The following FREM1 variants were observed in gnomAD, a reference collection of about 807,000 sequenced individuals.
FREM1 encodes the protein FRAS1 related extracellular matrix 1, also known as FRAS1-related extracellular matrix protein 1.
FREM1 carries 220 observed loss-of-function variants against 210.1 expected under a neutral mutation model. The ratio of observed to expected loss-of-function variants is 1.05; its 90% confidence interval spans 0.94 to 1.17. The LOEUF is 1.17. FREM1 is among the 50% of genes most tolerant of loss of function. The pLI, the probability that FREM1 is intolerant of heterozygous loss-of-function variation, is 0.00. For missense variants in FREM1, 3,454 were observed against 2,675.5 expected (o/e 1.29, Z -6.42); for synonymous variants, 1,189 against 980.2 (o/e 1.21, Z -3.98).
chr9:14,738,342 A>T (rs1432643937), intron 36 of FREM1, among the ~76,000 whole-genome samples: 1 of 150,374 alleles, frequency 6.7e-6, no homozygotes, highest in Non-Finnish European at 1.5e-5. Context: ...TGACCATGAA[A>T]ACAGTCCTAG....
At position 14,763,812 on chromosome 9, in the gene FREM1, G is replaced by A. The variant is rs571084569; in HGVS notation, c.5205-3911C>T. Reference sequence around the variant, plus strand: ...GCTATCACATTGATTTAGATCCTATGTATGCTCCAAGGAAGCACAGGTCTT... The same window carrying A: ...GCTATCACATTGATTTAGATCCTATATATGCTCCAAGGAAGCACAGGTCTT... On this transcript the variant is annotated intron_variant, in intron 27 of 36. Coordinates refer to ENST00000380880, the MANE Select transcript of FREM1 (RefSeq NM_001379081.2). Among the ~76,000 whole-genome samples, 30 of 152,304 alleles carry A rather than the reference G, an allele frequency of 2.0e-4. No homozygotes were observed. The South Asian group carries it at 2.3e-3, about 12-fold the overall frequency.
At position 14,784,620 on chromosome 9, in the gene FREM1, G is replaced by A; in HGVS notation, c.4192C>T (p.Leu1398Phe). Residue 1398 changes from leucine to phenylalanine, a missense_variant, in exon 24 of 37, where the codon CTT (leucine) becomes TTT (phenylalanine). Transcript: ENST00000380880. ...TTAGACACCACGAGTGGTTTTGTAA[G>A]GATGACAATATCACCTACATGACAT... ...KDMEKGDIVI[L>F]TKPLVVSKGD... 1.3e-6 allele frequency: 2 copies of A among 1,580,740 alleles called. No individual in the cohort carries two copies. Among genetic ancestry groups the A allele is most frequent in the East Asian group, 2.3e-5 (1 of 44,146 alleles).
intron 15 of FREM1, among the ~76,000 whole-genome samples, chr9:14,815,219 T>C (rs1258883671): frequency 6.6e-6 from 1 of 152,176 alleles, no homozygotes; most frequent in Non-Finnish European, 1.5e-5. Flanking sequence ...GAAAGAACAC[T>C]GACCTAGGTA....
At position 14,746,980 on chromosome 9, in the gene FREM1, G is replaced by A. The variant is rs763283407; in HGVS notation, c.6081C>T (p.Ile2027=). The change falls in exon 34 of 37, where the codon ATC becomes ATT. Residue 2027 remains isoleucine (I), a synonymous_variant. Coordinates refer to ENST00000380880, the MANE Select transcript of FREM1 (RefSeq NM_001379081.2). ...LKGLFHFEEG[I]QKLYQCNGIA... ...TCCCATTGCACTGATACAGCTTCTG[G>A]ATGCCTTCTTCAAAATGGAAGAGTC... The A allele has an allele frequency of 1.9e-6, 3 of 1,613,286 alleles. No homozygotes were observed. Among genetic ancestry groups the A allele is most frequent in the Non-Finnish European group, 2.5e-6 (3 of 1,179,608 alleles).
intron 1 of FREM1, among the ~76,000 whole-genome samples, chr9:14,886,974 T>A (rs556496160): frequency 1.3e-5 from 2 of 151,456 alleles, no homozygotes; most frequent in South Asian, 4.2e-4. Context: ...AAAATTTTCA[T>A]ACAAATGAAT....
At chr9:14,811,359 C>A (rs946013625) in intron 16 of FREM1, among the ~76,000 whole-genome samples, 2 of 152,186 alleles carry the variant, frequency 1.3e-5, no homozygotes, top group African/African-American at 4.8e-5. Context: ...AAGACAGATT[C>A]TTCTCACCCC....
intron 2 of FREM1, 49 bp downstream of exon 2, chr9:14,868,695 A>T (rs745594420): frequency 8.6e-6 from 10 of 1,166,618 alleles, no homozygotes; most frequent in Non-Finnish European, 1.3e-5. Context: ...ATTTTCATAC[A>T]CTTGCATTCA....
At chr9:14,780,032 T>C (rs1311476576) in intron 24 of FREM1, among the ~76,000 whole-genome samples, 1 of 152,138 alleles carries the variant, frequency 6.6e-6, no homozygotes, top group Admixed American at 6.5e-5. Context: ...GTGCTGTTCA[T>C]GTCTGGAAAA....
intron 21 of FREM1, among the ~76,000 whole-genome samples, chr9:14,794,029 T>A (rs776379603): frequency 6.6e-6 from 1 of 152,164 alleles, no homozygotes; most frequent in Non-Finnish European, 1.5e-5. Flanking sequence ...ATTAAGAAGA[T>A]GAAGAGTTTG....
chr9:14,737,383 G>C lies in FREM1; in HGVS notation c.*13C>G, dbSNP rs1840579148. ...GACAAACTCCAGGTGGCCCCCTGTAGGGTCTGTTATATTTAGAGTTTTCTG... is the reference window on the plus strand; with the variant it reads ...GACAAACTCCAGGTGGCCCCCTGTACGGTCTGTTATATTTAGAGTTTTCTG... On this transcript the variant is annotated 3_prime_UTR_variant, in exon 37 of 37. Coordinates refer to ENST00000380880, the MANE Select transcript of FREM1 (RefSeq NM_001379081.2). 1 of 1,606,922 alleles carries C rather than the reference G, an allele frequency of 6.2e-7. No homozygotes were observed. The highest frequency in any genetic ancestry group is 8.5e-7 in the Non-Finnish European group (1 of 1,175,152).
chr9:14,818,235 G>C (rs1254247051), intron 14 of FREM1, among the ~76,000 whole-genome samples: 1 of 152,246 alleles, frequency 6.6e-6, no homozygotes, highest in Non-Finnish European at 1.5e-5. Flanking sequence ...TCCGTAGCAA[G>C]AATTACCTAA....
In FREM1 at chr9:14,784,544, G is replaced by A. The variant is rs768772560; in HGVS notation, c.4268C>T (p.Thr1423Ile). 2 of 1,613,600 alleles carry A rather than the reference G, an allele frequency of 1.2e-6. No homozygotes were observed. Among genetic ancestry groups the A allele is most frequent in the South Asian group, 2.2e-5 (2 of 90,990 alleles). ...TTTTLLAVDGTDKPEELLYVI... is the reference protein window; with the variant it reads ...TTTTLLAVDGIDKPEELLYVI... ...ATAGAGCAGTTCCTCAGGCTTGTCTGTTCCGTCCACAGCCAGGAGCGTGGT... is the reference window on the plus strand; with the variant it reads ...ATAGAGCAGTTCCTCAGGCTTGTCTATTCCGTCCACAGCCAGGAGCGTGGT... Residue 1423 changes from threonine (T) to isoleucine (I), a missense_variant, in exon 24 of 37, where the codon ACA becomes ATA. Coordinates refer to ENST00000380880, the MANE Select transcript of FREM1 (RefSeq NM_001379081.2).
chr9:14,841,142 C>G (rs1272613510), intron 10 of FREM1, among the ~76,000 whole-genome samples: 1 of 152,172 alleles, frequency 6.6e-6, no homozygotes, highest in Non-Finnish European at 1.5e-5. Flanking sequence ...AATTTAATCA[C>G]CACATATAAA....
intron 10 of FREM1, among the ~76,000 whole-genome samples, chr9:14,835,050 C>T (rs1033866130): frequency 6.6e-6 from 1 of 152,120 alleles, no homozygotes; most frequent in Non-Finnish European, 1.5e-5. Context: ...GATTGTAACA[C>T]TGAAATGGAG....
intron 10 of FREM1, among the ~76,000 whole-genome samples, chr9:14,828,650 G>A (rs1822958801): frequency 8.1e-6 from 1 of 124,154 alleles, no homozygotes; most frequent in Non-Finnish European, 1.7e-5. Context: ...GGGCGGGGGA[G>A]GTGCCGGGGT....
intron 1 of FREM1, among the ~76,000 whole-genome samples, chr9:14,905,318 T>C (rs928788958): frequency 2.6e-5 from 4 of 152,232 alleles, no homozygotes; most frequent in Non-Finnish European, 4.4e-5. Context: ...GAATATGTCC[T>C]TCCTTTGGTG....
chr9:14,859,959 G>C (rs1829504462), intron 3 of FREM1, among the ~76,000 whole-genome samples: 1 of 152,174 alleles, frequency 6.6e-6, no homozygotes, highest in African/African-American at 2.4e-5. Flanking sequence ...TGCTTGGCAT[G>C]TAAAAAGCAT....
At chr9:14,738,415 A>T (rs901815122) in intron 36 of FREM1, among the ~76,000 whole-genome samples, 2 of 152,148 alleles carry the variant, frequency 1.3e-5, no homozygotes, top group Non-Finnish European at 2.9e-5. Context: ...GAATGAAATG[A>T]AATACTTTTG....
intron 2 of FREM1, among the ~76,000 whole-genome samples, chr9:14,867,173 C>T (rs913287828): frequency 2.0e-5 from 3 of 152,098 alleles, no homozygotes; most frequent in Non-Finnish European, 2.9e-5. Context: ...ATTTTCCTTT[C>T]GACCCCAGTC....
Sources: gnomAD v4.1 joint callset for allele counts (sites outside exome capture counted in the v4.1 genomes callset) on GRCh38, gnomAD v4.1.1 for gene constraint, MANE v1.5 for transcripts, NCBI Gene and HGNC (gene_info 2026-07-23, HGNC 2026-07-21) for gene names.